SUCLG1: variants seen among roughly 807,000 people sequenced by gnomAD.
SUCLG1 encodes succinate--CoA ligase [ADP/GDP-forming] subunit alpha, mitochondrial.
In SUCLG1, 26 loss-of-function variants were observed where a neutral mutation model predicts 37.3. The observed-to-expected ratio is 0.70, with a 90% CI of 0.51 to 0.97. SUCLG1 has a LOEUF of 0.97. SUCLG1 is among the 50% of genes least tolerant of loss of function. The pLI is 0.00. For missense variants in SUCLG1, 433 were observed against 432.9 expected (o/e 1.00, Z 0.00); for synonymous variants, 163 against 155.6 (o/e 1.05, Z -0.36).
At chr2:84,435,554 C>G (rs769295246) in intron 5 of SUCLG1, among the ~76,000 whole-genome samples, 1 of 152,180 alleles carries the variant, frequency 6.6e-6, no homozygotes. Context: ...GCCTGCTGAC[C>G]GTCTGCAAGA....
At position 84,423,670 on chromosome 2, in the gene SUCLG1, G is replaced by T; in HGVS notation, c.*76C>A. ...AGGCACATAGGCTGATTAATCAGTG[G>T]ACAACAGAAGCAAACTGCTGCTGGG... On this transcript the variant is annotated 3_prime_UTR_variant, in exon 9 of 9. Coordinates refer to ENST00000393868, the MANE Select transcript of SUCLG1 (RefSeq NM_003849.4). 1.4e-6 allele frequency: 2 copies of T among 1,438,628 alleles called. No homozygotes were observed. Among genetic ancestry groups the T allele is most frequent in the South Asian group, 2.4e-5 (2 of 83,348 alleles). 89.1% of individuals were successfully genotyped at this position (1,438,628 alleles called of 1,614,324 possible). A position where few individuals can be genotyped will look rare whatever the true frequency, so the allele number is the denominator to read the frequency against.
intron 1 of SUCLG1, among the ~76,000 whole-genome samples, chr2:84,457,690 G>A (rs1465176270): frequency 6.6e-6 from 1 of 152,200 alleles, no homozygotes; most frequent in Non-Finnish European, 1.5e-5. Context: ...CAGTGGCTGT[G>A]CTGCACATCT....
rs1368028792 is a variant in SUCLG1 at position 84,449,755 on chromosome 2, A to T, written c.98-3T>A. 1.5e-6 allele frequency: 2 copies of T among 1,317,704 alleles called. No homozygotes were observed. The highest frequency in any genetic ancestry group is 2.1e-6 in the Non-Finnish European group (2 of 966,538). The allele number at this position is 1,317,704 out of a possible 1,614,324, so 81.6% of individuals were successfully genotyped here. A position where few individuals can be genotyped will look rare whatever the true frequency, so the allele number is the denominator to read the frequency against. On this transcript the variant is annotated splice_polypyrimidine_tract_variant and splice_region_variant and intron_variant, in intron 1 of 8. Transcript: ENST00000393868. ...ATGCCGAATTCCATTCTGCGGCACT[A>T]AGAGGTTAAAAAAAAAAAAAAAAAA... is the stretch of plus-strand genomic sequence containing the variant.
intron 6 of SUCLG1, chr2:84,432,905 C>T (rs951197787): frequency 5.8e-6 from 1 of 172,580 alleles, no homozygotes; most frequent in Non-Finnish European, 1.3e-5. Flanking sequence ...TCAACCTTGA[C>T]TTTCTCACCA....
intron 8 of SUCLG1, among the ~76,000 whole-genome samples, chr2:84,424,366 GGT>G (rs1246493613): frequency 1.3e-5 from 2 of 151,308 alleles, no homozygotes; most frequent in Non-Finnish European, 3.0e-5. Context: ...GGAAGAAAAT[GGT>G]AACACACATC....
Position 84,440,828 on chromosome 2 carries a change from C to T in SUCLG1, c.589+219G>A, listed in dbSNP as rs148771299. ...GAAAAAAATCTTTAAACTCCCACCA[C>T]CAAAAAAATCTTCACTGATTCTGCA... On this transcript the variant is annotated intron_variant, in intron 5 of 8. Transcript: ENST00000393868. 1.9e-3 allele frequency among the ~76,000 whole-genome samples: 294 copies of T among 152,308 alleles called. 1 individual carries two copies. Among genetic ancestry groups the T allele is most frequent in the Non-Finnish European group, 1.9e-3 (132 of 68,024 alleles).
At chr2:84,449,836 A>C in intron 1 of SUCLG1, 84 bp from the exon 2 acceptor site, 1 of 1,177,064 alleles carries the variant, frequency 8.5e-7, no homozygotes, top group Admixed American at 2.4e-5. Flanking sequence ...CAACTTGATC[A>C]CAAAAAAAAA....
intron 7 of SUCLG1, 102 bp downstream of exon 7, chr2:84,431,405 AT>A: frequency 2.0e-6 from 3 of 1,486,956 alleles, no homozygotes; most frequent in East Asian, 4.6e-5. Flanking sequence ...TTTATCTTTC[AT>A]GTTTTCTCAA....
chr2:84,451,222 T>A (rs1020755039), intron 1 of SUCLG1, among the ~76,000 whole-genome samples: 4 of 152,210 alleles, frequency 2.6e-5, no homozygotes, highest in African/African-American at 9.6e-5. Context: ...TGCTACAATT[T>A]CTGACTAGTG....
At chr2:84,454,413 C>T (rs1672988231) in intron 1 of SUCLG1, among the ~76,000 whole-genome samples, 2 of 152,176 alleles carry the variant, frequency 1.3e-5, no homozygotes, top group Non-Finnish European at 2.9e-5. Flanking sequence ...ATATATAAAG[C>T]ATTTAAAACA....
intron 1 of SUCLG1, among the ~76,000 whole-genome samples, chr2:84,451,123 G>C (rs544223547): frequency 6.6e-6 from 1 of 152,082 alleles, no homozygotes; most frequent in Admixed American, 6.5e-5. Flanking sequence ...TGCTGCATTC[G>C]AGACCCATTC....
At chr2:84,430,682 T>C (rs1672601168) in intron 7 of SUCLG1, among the ~76,000 whole-genome samples, 1 of 152,168 alleles carries the variant, frequency 6.6e-6, no homozygotes, top group South Asian at 2.1e-4. Flanking sequence ...TTTTCATACA[T>C]ATAGAGAGAA....
At position 84,443,412 on chromosome 2, in the gene SUCLG1, A is replaced by T. The variant is rs762549452; in HGVS notation, c.202-12T>A. On this transcript the variant is annotated splice_polypyrimidine_tract_variant and intron_variant, in intron 2 of 8. Coordinates refer to ENST00000393868, the MANE Select transcript of SUCLG1 (RefSeq NM_003849.4). ...CTGTGAAAGGTGCCCTGAGGGGAAA[A>T]AGCACAAGATCCATGAGAAACAGCA... 1.1e-5 allele frequency: 17 copies of T among 1,612,948 alleles called. No homozygotes were observed. The Admixed American group carries it at 2.8e-4, about 27-fold the overall frequency.
intron 8 of SUCLG1, among the ~76,000 whole-genome samples, chr2:84,424,578 A>T (rs1672504239): frequency 6.6e-6 from 1 of 152,188 alleles, no homozygotes; most frequent in Non-Finnish European, 1.5e-5. Flanking sequence ...AAGACCACCA[A>T]ATCAGGATTT....
At chr2:84,452,974 T>C (rs1309386652) in intron 1 of SUCLG1, among the ~76,000 whole-genome samples, 3 of 152,206 alleles carry the variant, frequency 2.0e-5, no homozygotes, top group Non-Finnish European at 2.9e-5. Context: ...GAACCCTATA[T>C]CTATTTTTGT....
chr2:84,429,589 A>AGAAGGAAC (rs1377187011), intron 7 of SUCLG1, among the ~76,000 whole-genome samples: 2 of 152,162 alleles, frequency 1.3e-5, no homozygotes, highest in Admixed American at 1.3e-4. Flanking sequence ...CATTCCTTGC[A>AGAAGGAAC]GAAGGAACAA....
At chr2:84,454,865 C>T (rs1672994927) in intron 1 of SUCLG1, among the ~76,000 whole-genome samples, 1 of 152,120 alleles carries the variant, frequency 6.6e-6, no homozygotes, top group African/African-American at 2.4e-5. Flanking sequence ...CCTTGTATGA[C>T]CAGTACCATG....
At chr2:84,449,258 T>C (rs897959292) in intron 2 of SUCLG1, among the ~76,000 whole-genome samples, 1 of 152,228 alleles carries the variant, frequency 6.6e-6, no homozygotes, top group African/African-American at 2.4e-5. Flanking sequence ...ATGGATTCTG[T>C]GTTTAACAAT....
intron 2 of SUCLG1, among the ~76,000 whole-genome samples, chr2:84,444,246 G>A (rs755113556): frequency 6.6e-6 from 1 of 152,112 alleles, no homozygotes; most frequent in Non-Finnish European, 1.5e-5. Flanking sequence ...ATTCACCCCC[G>A]ATATTTCACT....
Sources: gnomAD v4.1 joint callset for allele counts (sites outside exome capture counted in the v4.1 genomes callset) on GRCh38, gnomAD v4.1.1 for gene constraint, MANE v1.5 for transcripts, NCBI Gene and HGNC (gene_info 2026-07-23, HGNC 2026-07-21) for gene names.